Variants in CCDC178 observed in about 807,000 individuals in gnomAD.
The protein encoded by CCDC178 is coiled-coil domain-containing protein 178.
Under a neutral mutation model 117.4 loss-of-function variants are expected in CCDC178, and 126 were observed. The observed-to-expected ratio is 1.07, with a 90% CI of 0.93 to 1.24. The LOEUF is 1.24. CCDC178 is among the 50% of genes most tolerant of loss of function. The pLI, the probability that CCDC178 is intolerant of heterozygous loss-of-function variation, is 0.00. For missense variants in CCDC178, 1,030 were observed against 986.9 expected, an observed-to-expected ratio of 1.04 and a Z score of -0.59; for synonymous variants, 283 against 313.4, an observed-to-expected ratio of 0.90 and a Z score of 1.02.
chr18:33,297,228 G>T (rs2062117042), intron 11 of CCDC178, among the ~76,000 whole-genome samples: 1 of 151,946 alleles, frequency 6.6e-6, no homozygotes, highest in Admixed American at 6.6e-5. Flanking sequence ...AATGACTATA[G>T]CAAAAACTAG....
chr18:33,434,916 A>AT (rs2064268976), intron 2 of CCDC178, among the ~76,000 whole-genome samples: 1 of 152,074 alleles, frequency 6.6e-6, no homozygotes, highest in Admixed American at 6.6e-5. Context: ...TTTTCCGCTA[A>AT]TTTTCAATAT....
At chr18:33,078,476 C>G (rs1010143211) in intron 21 of CCDC178, among the ~76,000 whole-genome samples, 3 of 152,076 alleles carry the variant, frequency 2.0e-5, no homozygotes, top group African/African-American at 7.2e-5. Context: ...AAACTAGGAA[C>G]GGAGGAAGTC....
At chr18:33,276,062 A>G (rs1294828570) in intron 12 of CCDC178, among the ~76,000 whole-genome samples, 6 of 151,266 alleles carry the variant, frequency 4.0e-5, no homozygotes, top group Admixed American at 3.3e-4. Flanking sequence ...ATAAATGACA[A>G]TATTAGATGG....
chr18:33,052,141 C>T (rs2056757042), intron 21 of CCDC178, among the ~76,000 whole-genome samples: 1 of 151,956 alleles, frequency 6.6e-6, no homozygotes, highest in Admixed American at 6.6e-5. Context: ...TTAGAAGAAG[C>T]TAATGGCAAA....
chr18:33,267,947 T>C (rs1457546383), intron 12 of CCDC178, among the ~76,000 whole-genome samples: 2 of 151,534 alleles, frequency 1.3e-5, no homozygotes, highest in African/African-American at 4.8e-5. Context: ...CTCAAAAATA[T>C]AAATTATTTG....
intron 15 of CCDC178, among the ~76,000 whole-genome samples, chr18:33,236,203 C>T (rs537126259): frequency 2.6e-5 from 4 of 152,142 alleles, no homozygotes; most frequent in African/African-American, 9.6e-5. Flanking sequence ...AATTTCAGGC[C>T]AGGCTCAACA....
intron 20 of CCDC178, among the ~76,000 whole-genome samples, chr18:33,139,489 G>A (rs1251102221): frequency 6.6e-6 from 1 of 152,168 alleles, no homozygotes; most frequent in Admixed American, 6.5e-5. Flanking sequence ...AGGCTGAGGT[G>A]GTCTCAGGTG....
At chr18:33,289,645 A>G (rs1204410066) in intron 12 of CCDC178, among the ~76,000 whole-genome samples, 1 of 151,990 alleles carries the variant, frequency 6.6e-6, no homozygotes, top group Non-Finnish European at 1.5e-5. Context: ...CAACAACAAA[A>G]CTTTTTTAAA....
chr18:33,440,992 C>G (rs2064380719), upstream of CCDC178: 1 of 152,268 alleles, frequency 6.6e-6, no homozygotes, highest in Non-Finnish European at 1.5e-5. Context: ...CCCCTTCGTA[C>G]AGCAGTGAGG....
chr18:33,251,244 A>G (rs1252181740), intron 14 of CCDC178, among the ~76,000 whole-genome samples: 2 of 151,782 alleles, frequency 1.3e-5, no homozygotes, highest in African/African-American at 4.8e-5. Context: ...ATGAATAATG[A>G]TTCATGGGAA....
intron 21 of CCDC178, among the ~76,000 whole-genome samples, chr18:33,007,302 T>G (rs1435578243): frequency 1.3e-5 from 2 of 151,958 alleles, no homozygotes; most frequent in South Asian, 4.1e-4. Flanking sequence ...GGGGGTTCTA[T>G]GGTAAGGCTT....
chr18:33,018,495 A>G (rs2056044065), intron 21 of CCDC178, among the ~76,000 whole-genome samples: 1 of 152,150 alleles, frequency 6.6e-6, no homozygotes, highest in Non-Finnish European at 1.5e-5. Context: ...CCAAATGCCC[A>G]TCAAGTGATG....
At chr18:33,058,278 A>C (rs1406423609) in intron 21 of CCDC178, among the ~76,000 whole-genome samples, 1 of 152,254 alleles carries the variant, frequency 6.6e-6, no homozygotes, top group African/African-American at 2.4e-5. Flanking sequence ...GATTTAAAAA[A>C]ATGTGATCTA....
At chr18:33,418,177 A>T (rs1407885855) in intron 2 of CCDC178, among the ~76,000 whole-genome samples, 1 of 152,228 alleles carries the variant, frequency 6.6e-6, no homozygotes, top group Non-Finnish European at 1.5e-5. Context: ...GTGGGATGCA[A>T]GGCTGGTTCA....
At chr18:32,993,026 C>T (rs139179632) in intron 21 of CCDC178, among the ~76,000 whole-genome samples, 313 of 152,038 alleles carry the variant, frequency 2.1e-3, no homozygotes, top group African/African-American at 7.2e-3. Context: ...ATTAGCAGGG[C>T]GTGGTGGCGC....
intron 20 of CCDC178, among the ~76,000 whole-genome samples, chr18:33,151,793 A>G (rs1035264955): frequency 1.3e-5 from 2 of 152,198 alleles, no homozygotes; most frequent in Non-Finnish European, 2.9e-5. Context: ...TGTCATTAGG[A>G]TTAACTTAGT....
intron 15 of CCDC178, among the ~76,000 whole-genome samples, chr18:33,244,884 A>G (rs1376634662): frequency 2.0e-5 from 3 of 151,954 alleles, no homozygotes; most frequent in Non-Finnish European, 4.4e-5. Flanking sequence ...TTCTCACATT[A>G]CATAAGGTAG....
intron 22 of CCDC178, among the ~76,000 whole-genome samples, chr18:32,973,040 C>G (rs1271349061): frequency 6.6e-6 from 1 of 151,978 alleles, no homozygotes; most frequent in Non-Finnish European, 1.5e-5. Flanking sequence ...CTATCCCATC[C>G]CTTCATTTCC....
chr18:33,071,916 T>C (rs1333104887), intron 21 of CCDC178, among the ~76,000 whole-genome samples: 1 of 152,062 alleles, frequency 6.6e-6, no homozygotes, highest in East Asian at 1.9e-4. Flanking sequence ...AGATAAAAAT[T>C]GAAAGGTTGA....
Sources: allele counts gnomAD v4.1 joint callset (sites outside exome capture counted in the v4.1 genomes callset), GRCh38; gene constraint gnomAD v4.1.1; transcripts MANE v1.5; gene names NCBI Gene and HGNC (gene_info 2026-07-23, HGNC 2026-07-21).